Variants in OPN5 observed in about 807,000 individuals in gnomAD.
OPN5 encodes opsin 5.
A neutral mutation model predicts 41.7 loss-of-function variants in OPN5; 18 were observed. That is an observed-to-expected ratio of 0.43 (90% CI 0.30 to 0.64). The LOEUF is 0.64. OPN5 is among the 30% of genes least tolerant of loss of function. The pLI, the probability that OPN5 is intolerant of heterozygous loss-of-function variation, is 0.13. For missense variants in OPN5, 318 were observed against 434.5 expected (o/e 0.73, Z 2.38); for synonymous variants, 178 against 164.3 (o/e 1.08, Z -0.64).
intron 4 of OPN5, among the ~76,000 whole-genome samples, chr6:47,796,808 A>T (rs905768629): frequency 6.6e-6 from 1 of 152,200 alleles, no homozygotes; most frequent in African/African-American, 2.4e-5. Context: ...TCTTGGTTGC[A>T]TATTGTATTA....
chr6:47,819,623 A>G (rs1286868690), intron 6 of OPN5, among the ~76,000 whole-genome samples: 4 of 151,828 alleles, frequency 2.6e-5, no homozygotes, highest in African/African-American at 9.7e-5. Context: ...TTCCCATTAT[A>G]GTGTCTTACA....
intron 4 of OPN5, among the ~76,000 whole-genome samples, chr6:47,795,778 T>TCTCTCACA (rs766899041): frequency 9.1e-5 from 13 of 142,890 alleles, no homozygotes; most frequent in African/African-American, 3.0e-4. Flanking sequence ...TCTCTCTCTC[T>TCTCTCACA]CACACACACA....
At chr6:47,815,306 G>A (rs1404407746) in intron 6 of OPN5, among the ~76,000 whole-genome samples, 1 of 152,038 alleles carries the variant, frequency 6.6e-6, no homozygotes, top group Non-Finnish European at 1.5e-5. Context: ...TCCCACCACT[G>A]CCTTTAATGA....
chr6:47,792,647 C>T (rs192314749), intron 3 of OPN5, among the ~76,000 whole-genome samples: 9 of 152,246 alleles, frequency 5.9e-5, no homozygotes, highest in African/African-American at 2.2e-4. Context: ...TGTTGGAGCT[C>T]TCGGAATTTA....
At chr6:47,808,112 T>C in intron 4 of OPN5, 42 bp from the exon 5 acceptor site, 1 of 1,609,450 alleles carries the variant, frequency 6.2e-7, no homozygotes, top group East Asian at 2.2e-5. Flanking sequence ...ATGTCCTTTA[T>C]CAGTCATCTT....
chr6:47,784,417 C>A (rs1362771768), intron 1 of OPN5, among the ~76,000 whole-genome samples: 1 of 152,184 alleles, frequency 6.6e-6, no homozygotes, highest in African/African-American at 2.4e-5. Context: ...GTGCCTCAAC[C>A]TCCTGAGTAG....
At chr6:47,812,381 CA>C in intron 6 of OPN5, among the ~76,000 whole-genome samples, 1 of 152,304 alleles carries the variant, frequency 6.6e-6, no homozygotes, top group South Asian at 2.1e-4. Context: ...CTTACTAAAA[CA>C]GTGGATGTAA....
At chr6:47,822,285 A>AT (rs1313976677) in intron 6 of OPN5, among the ~76,000 whole-genome samples, 1 of 152,050 alleles carries the variant, frequency 6.6e-6, no homozygotes, top group Non-Finnish European at 1.5e-5. Flanking sequence ...GGGTAATTAG[A>AT]TTTTGGAAGT....
chr6:47,795,621 A>G (rs1330408072), intron 4 of OPN5, 58 bp downstream of exon 4: 25 of 1,225,174 alleles, frequency 2.0e-5, no homozygotes, highest in Non-Finnish European at 2.7e-5. Flanking sequence ...TTCATAGGGT[A>G]CAAAGGATAG....
At chr6:47,813,756 GA>G (rs1006100737) in intron 6 of OPN5, among the ~76,000 whole-genome samples, 4 of 152,064 alleles carry the variant, frequency 2.6e-5, no homozygotes, top group African/African-American at 9.7e-5. Context: ...TAAAAATGAA[GA>G]TGAAAATTTA....
At chr6:47,797,468 A>C (rs993707280) in intron 4 of OPN5, among the ~76,000 whole-genome samples, 1 of 152,222 alleles carries the variant, frequency 6.6e-6, no homozygotes, top group African/African-American at 2.4e-5. Context: ...AAGAAATTTA[A>C]ATAAATCAAT....
At chr6:47,820,672 T>A (rs1762595377) in intron 6 of OPN5, among the ~76,000 whole-genome samples, 2 of 152,190 alleles carry the variant, frequency 1.3e-5, no homozygotes, top group Admixed American at 1.3e-4. Context: ...CAATAGACGT[T>A]ATTTATTGAG....
chr6:47,821,727 T>C (rs1400441761), intron 6 of OPN5, among the ~76,000 whole-genome samples: 1 of 152,204 alleles, frequency 6.6e-6, no homozygotes, highest in African/African-American at 2.4e-5. Flanking sequence ...TAGAGTTTCA[T>C]GGGATGCTTG....
intron 6 of OPN5, among the ~76,000 whole-genome samples, chr6:47,814,242 G>A (rs1762365158): frequency 6.6e-6 from 1 of 151,842 alleles, no homozygotes; most frequent in Admixed American, 6.6e-5. Context: ...GGTAAGAAAA[G>A]GAGAAAAGAA....
chr6:47,788,812 G>GGA (rs386406965), intron 2 of OPN5, among the ~76,000 whole-genome samples: 1 of 146,964 alleles, frequency 6.8e-6, no homozygotes, highest in Admixed American at 6.9e-5. Context: ...ACCTGGGGGG[G>GGA]GGCGGTGGTG....
intron 4 of OPN5, among the ~76,000 whole-genome samples, chr6:47,802,219 G>T (rs1017329001): frequency 6.6e-6 from 1 of 152,134 alleles, no homozygotes. Flanking sequence ...GCATCTAGGG[G>T]CAGGGAATTC....
chr6:47,785,768 A>G (rs962758386), intron 1 of OPN5, among the ~76,000 whole-genome samples: 3 of 152,236 alleles, frequency 2.0e-5, no homozygotes, highest in Non-Finnish European at 4.4e-5. Context: ...TCATTAATAA[A>G]AGGATATGAA....
At chr6:47,822,064 A>G (rs1157163562) in intron 6 of OPN5, among the ~76,000 whole-genome samples, 1 of 150,100 alleles carries the variant, frequency 6.7e-6, no homozygotes, top group African/African-American at 2.5e-5. Flanking sequence ...GCAAGCTGAG[A>G]TGGCGCCGCT....
intron 4 of OPN5, among the ~76,000 whole-genome samples, chr6:47,804,464 A>C (rs1414592440): frequency 6.6e-5 from 10 of 152,202 alleles, no homozygotes; most frequent in Non-Finnish European, 1.2e-4. Context: ...GAAAAGATTA[A>C]ATATATTCCA....
Sources: gnomAD v4.1 joint callset for allele counts (sites outside exome capture counted in the v4.1 genomes callset) on GRCh38, gnomAD v4.1.1 for gene constraint, MANE v1.5 for transcripts, NCBI Gene and HGNC (gene_info 2026-07-23, HGNC 2026-07-21) for gene names.